STK17A: variants seen among roughly 807,000 people sequenced by gnomAD.
STK17A encodes serine/threonine-protein kinase 17A.
A neutral mutation model predicts 43.7 loss-of-function variants in STK17A; 26 were observed. The ratio of observed to expected loss-of-function variants is 0.60; its 90% CI spans 0.44 to 0.83. The LOEUF (loss-of-function observed/expected upper bound fraction) is 0.83. Among genes scored for constraint, STK17A ranks in the 40% least tolerant of loss-of-function variants. The pLI is 0.00. For missense variants in STK17A, 476 were observed against 511.6 expected, an observed-to-expected ratio of 0.93 and a Z score of 0.67; for synonymous variants, 191 against 182.5, an observed-to-expected ratio of 1.05 and a Z score of -0.38.
intron 2 of STK17A, among the ~76,000 whole-genome samples, chr7:43,596,769 G>A (rs1316012248): frequency 1.3e-5 from 2 of 151,752 alleles, no homozygotes; most frequent in Admixed American, 6.6e-5. Context: ...TCAGGAGCCT[G>A]AGGCAGGGGA....
At chr7:43,614,266 C>T (rs530379514) in intron 3 of STK17A, among the ~76,000 whole-genome samples, 2 of 152,206 alleles carry the variant, frequency 1.3e-5, no homozygotes, top group Admixed American at 6.5e-5. Flanking sequence ...CATCTATTTA[C>T]GGACCGTCTG....
chr7:43,603,620 T>G (rs1378579379), intron 2 of STK17A, among the ~76,000 whole-genome samples: 1 of 152,172 alleles, frequency 6.6e-6, no homozygotes, highest in African/African-American at 2.4e-5. Flanking sequence ...TTATATATTA[T>G]CCCAGAAAGA....
At chr7:43,587,787 T>C (rs530544693) in intron 1 of STK17A, among the ~76,000 whole-genome samples, 24 of 151,788 alleles carry the variant, frequency 1.6e-4, no homozygotes, top group Non-Finnish European at 3.0e-4. Flanking sequence ...TTTTGGGTAA[T>C]CTGATACTTT....
At chr7:43,599,093 A>G (rs566548952) in intron 2 of STK17A, among the ~76,000 whole-genome samples, 17 of 152,310 alleles carry the variant, frequency 1.1e-4, no homozygotes, top group African/African-American at 4.1e-4. Flanking sequence ...CAAAATCAAC[A>G]TTGTGATAAT....
chr7:43,586,228 G>T (rs1348635257), intron 1 of STK17A, among the ~76,000 whole-genome samples: 1 of 151,236 alleles, frequency 6.6e-6, no homozygotes, highest in Non-Finnish European at 1.5e-5. Flanking sequence ...AAATGCAGAA[G>T]GGGTGTGATG....
At chr7:43,583,944 TCTG>T (rs1305335544) in intron 1 of STK17A, among the ~76,000 whole-genome samples, 5 of 152,210 alleles carry the variant, frequency 3.3e-5, no homozygotes, top group Non-Finnish European at 7.3e-5. Flanking sequence ...GTGTCGGTCT[TCTG>T]CTGAATTCAT....
At chr7:43,587,797 T>C (rs1284364965) in intron 1 of STK17A, among the ~76,000 whole-genome samples, 1 of 151,614 alleles carries the variant, frequency 6.6e-6, no homozygotes, top group East Asian at 1.9e-4. Context: ...TCTGATACTT[T>C]GGATAGATAA....
rs770775482 is a variant in STK17A, at chr7:43,624,537, G to C, written c.940G>C (p.Glu314Gln). 1.2e-6 allele frequency: 2 copies of C among 1,612,758 alleles called. No homozygotes were observed. The highest frequency in any genetic ancestry group is 1.7e-6 in the Non-Finnish European group (2 of 1,179,300). ...TTACAGAGATCGAGCCACTGCTGAA[G>C]AATGTCTAAAGCACCCCTGGTTGAC... Reference protein sequence around the residue: ...KKPEDRATAEECLKHPWLTQS... With the variant: ...KKPEDRATAEQCLKHPWLTQS... The change falls in exon 7 of 7, where the codon GAA (glutamate) becomes CAA (glutamine). Residue 314 changes from glutamate (E) to glutamine (Q), a missense_variant. Glu to Gln is a conservative substitution (Grantham distance 29). Transcript: ENST00000319357.
chr7:43,623,733 C>A lies in STK17A; in HGVS notation c.765C>A (p.Val255=). The change falls in exon 6 of 7, where the codon GTC becomes GTA. Residue 255 remains valine (V), a synonymous_variant. Transcript: ENST00000319357. ...GGAGCATTGGAGTGTTAACATATGT[C>A]ATGCTTACAGGAATATCACCTTTCT... ...DMWSIGVLTY[V]MLTGISPFLG... 2 of 1,606,552 alleles carry A rather than the reference C, an allele frequency of 1.2e-6. No individual in the cohort carries two copies. Among genetic ancestry groups the A allele is most frequent in the South Asian group, 2.3e-5 (2 of 88,808 alleles).
At chr7:43,619,812 C>CAGCT (rs1397679454) in intron 4 of STK17A, 89 bp downstream of exon 4, 1 of 1,438,114 alleles carries the variant, frequency 7.0e-7, no homozygotes. Flanking sequence ...ATAGTGGAGC[C>CAGCT]AGCTATCTAC....
intron 1 of STK17A, among the ~76,000 whole-genome samples, chr7:43,584,190 T>G (rs935060907): frequency 6.6e-6 from 1 of 152,284 alleles, no homozygotes; most frequent in Non-Finnish European, 1.5e-5. Context: ...GCTGTTCGGA[T>G]GCTTTACATT....
At chr7:43,612,284 CAACT>C (rs1175829919) in intron 3 of STK17A, among the ~76,000 whole-genome samples, 19 of 152,260 alleles carry the variant, frequency 1.2e-4, no homozygotes, top group Admixed American at 1.1e-3. Context: ...GTCTCTGAGT[CAACT>C]ACTGGAGGGA....
Position 43,595,754 on chromosome 7 carries a change from A to G in STK17A, c.207-147A>G, listed in dbSNP as rs184432877. 306 of 647,902 alleles carry G rather than the reference A, an allele frequency of 4.7e-4. 4 individuals are homozygous for G. The East Asian group carries it at 6.9e-3, about 15-fold the overall frequency. The allele number at this position is 647,902 out of a possible 1,614,324, so 40.1% of individuals were successfully genotyped here. ...CTATAAATCTATAGATGTAGCCTAT[A>G]TAAATTTCTAAGTGATGTTTCTACT... On this transcript the variant is annotated intron_variant, in intron 1 of 6. Transcript: ENST00000319357.
intron 1 of STK17A, among the ~76,000 whole-genome samples, chr7:43,587,147 G>GTTTTTTTTTTTTTTTTTTT (rs202031785): frequency 1.8e-5 from 2 of 113,448 alleles, no homozygotes; most frequent in African/African-American, 2.9e-5. Context: ...TGTTTTTATT[G>GTTTTTTTTTTTTTTTTTTT]TTTTTTGTTT....
At chr7:43,619,484 A>G in intron 3 of STK17A, 113 bp from the exon 4 acceptor site, 1 of 1,294,480 alleles carries the variant, frequency 7.7e-7, no homozygotes, top group Admixed American at 2.2e-5. Flanking sequence ...ATGACTGTTT[A>G]CTGTTAAATT....
Position 43,595,545 on chromosome 7 carries a change from C to T in STK17A, c.207-356C>T, listed in dbSNP as rs144872437. ...CCACCTGCCTCAGCCTCCCAAAATG[C>T]TGAGATTACAAAGGTGCACCATGCC... is the stretch of plus-strand genomic sequence containing the variant. On this transcript the variant is annotated intron_variant, in intron 1 of 6. Coordinates refer to ENST00000319357, the MANE Select transcript of STK17A (RefSeq NM_004760.3). Among the ~76,000 whole-genome samples, 69 of 152,258 alleles carry T rather than the reference C, an allele frequency of 4.5e-4. 1 individual carries two copies. In the East Asian group the frequency reaches 0.013, roughly 29 times the overall value.
intron 2 of STK17A, among the ~76,000 whole-genome samples, chr7:43,606,916 CT>C (rs71011933): frequency 0.25 from 15,897 of 63,262 alleles, 1,385 homozygotes; most frequent in Middle Eastern, 0.34. Flanking sequence ...TTTCGATTTT[CT>C]TTTTTTTTTT....
At chr7:43,608,895 G>A (rs916346382) in intron 3 of STK17A, 3 of 152,398 alleles carry the variant, frequency 2.0e-5, no homozygotes, top group Non-Finnish European at 4.4e-5. Flanking sequence ...CAGTGTTTTG[G>A]AAAATAGGCA....
chr7:43,616,757 C>T (rs889296908), intron 3 of STK17A, among the ~76,000 whole-genome samples: 12 of 151,794 alleles, frequency 7.9e-5, no homozygotes, highest in African/African-American at 2.9e-4. Flanking sequence ...ATTAGCCGGG[C>T]GTGGTGGCGG....
Sources: allele counts gnomAD v4.1 joint callset (sites outside exome capture counted in the v4.1 genomes callset), GRCh38; gene constraint gnomAD v4.1.1; transcripts MANE v1.5; gene names NCBI Gene and HGNC (gene_info 2026-07-23, HGNC 2026-07-21).